The following PCDHA3 variants were observed in gnomAD, a reference collection of about 807,000 sequenced individuals.
PCDHA3 encodes the protein protocadherin alpha 3.
In PCDHA3, 41 loss-of-function variants were observed where a neutral mutation model predicts 62.2. That is an observed-to-expected ratio of 0.66 (90% CI 0.51 to 0.86). The LOEUF (loss-of-function observed/expected upper bound fraction) is 0.86, where lower values mean the gene tolerates loss of function less well. Among genes scored for constraint, PCDHA3 ranks in the 40% least tolerant of loss-of-function variants. The pLI, the probability that PCDHA3 is intolerant of heterozygous loss-of-function variation, is 0.00. For missense variants in PCDHA3, 1,304 were observed against 1,241.2 expected (o/e 1.05, Z -0.76); for synonymous variants, 640 against 555.4 (o/e 1.15, Z -2.14).
intron 1 of PCDHA3, chr5:140,808,735 G>A: frequency 2.5e-6 from 4 of 1,612,204 alleles, no homozygotes; most frequent in Non-Finnish European, 3.4e-6. Flanking sequence ...AGAGCGGCAA[G>A]GTGTACGCGC....
At chr5:140,869,800 T>C (rs782065808) in intron 1 of PCDHA3, 2 of 1,612,808 alleles carry the variant, frequency 1.2e-6, no homozygotes, top group Non-Finnish European at 1.7e-6. Context: ...AGTCCAAGTC[T>C]TGGATGTCAA....
intron 1 of PCDHA3, chr5:140,829,838 C>A (rs2150175831): frequency 1.2e-6 from 2 of 1,613,924 alleles, no homozygotes; most frequent in Non-Finnish European, 1.7e-6. Flanking sequence ...GCTGGTGCCG[C>A]GGTCACTGGG....
chr5:140,883,640 C>T (rs143631680), intron 1 of PCDHA3: 5 of 1,613,958 alleles, frequency 3.1e-6, no homozygotes, highest in Non-Finnish European at 4.2e-6. Context: ...GTTCGCGCAG[C>T]CCGAGTACAC....
chr5:140,855,898 G>A (rs1376080339), intron 1 of PCDHA3: 3 of 1,069,996 alleles, frequency 2.8e-6, no homozygotes, highest in African/African-American at 1.6e-5. Context: ...AAAGGCATCA[G>A]CCAGTTTCTC....
At chr5:140,877,583 T>A (rs782090888) in intron 1 of PCDHA3, 2 of 1,613,816 alleles carry the variant, frequency 1.2e-6, no homozygotes, top group East Asian at 4.5e-5. Context: ...ATCATCGCCA[T>A]CTGTGCGGTG....
chr5:140,983,005 AAAGG>A (rs1223217874), intron 3 of PCDHA3, among the ~76,000 whole-genome samples: 2 of 152,110 alleles, frequency 1.3e-5, no homozygotes, highest in African/African-American at 2.4e-5. Flanking sequence ...AAAGAAAGAA[AAAGG>A]AAGGAAGGAA....
chr5:140,803,544 C>A lies in PCDHA3; in HGVS notation c.2347C>A (p.Arg783=). The A allele has an allele frequency of 1.2e-6, 2 of 1,614,160 alleles. No homozygotes were observed. Among genetic ancestry groups the A allele is most frequent in the East Asian group, 2.2e-5 (1 of 44,876 alleles). The part of the protein sequence containing the change: ...SPSLPPCPIS[R]DREEKQDVDV... ...TAGCCTTCCTCCTTGTCCAATTAGC[C>A]GGGATAGAGAGGAGAAACAGGATGT... Residue 783 remains arginine, a synonymous_variant, in exon 1 of 4, where the codon CGG becomes AGG. Transcript: ENST00000522353.
chr5:140,988,308 G>T (rs75602297), intron 3 of PCDHA3, among the ~76,000 whole-genome samples: 1,856 of 152,298 alleles, frequency 0.012, 44 homozygotes, highest in African/African-American at 0.043. Context: ...TGCCAGCTTG[G>T]CTTGGCTTTC....
chr5:140,809,211 C>G lies in PCDHA3; in HGVS notation c.2394+5620C>G, dbSNP rs1554125084. On this transcript the variant is annotated intron_variant, in intron 1 of 3. Transcript: ENST00000522353. ...GTGTCACTTGTGGAGAGTGGACAGG[C>G]GCCAAAGGCCTCCTCACGGGCGTTG... 2.5e-6 allele frequency: 4 copies of G among 1,613,930 alleles called. No individual in the cohort carries two copies. The highest frequency in any genetic ancestry group is 2.7e-5 in the African/African-American group (2 of 74,942).
intron 3 of PCDHA3, among the ~76,000 whole-genome samples, chr5:140,987,959 C>T (rs1222591572): frequency 1.3e-5 from 2 of 152,132 alleles, no homozygotes; most frequent in South Asian, 2.1e-4. Context: ...AAACCAACTC[C>T]CCATGGAAAG....
chr5:140,926,212 T>G (rs1261895253), intron 1 of PCDHA3, among the ~76,000 whole-genome samples: 2 of 152,204 alleles, frequency 1.3e-5, no homozygotes, highest in Non-Finnish European at 2.9e-5. Context: ...GGGCTCCTGT[T>G]TCCTTAAGCC....
intron 1 of PCDHA3, among the ~76,000 whole-genome samples, chr5:140,972,087 A>G (rs1372467840): frequency 3.3e-5 from 5 of 152,192 alleles, no homozygotes; most frequent in Non-Finnish European, 7.3e-5. Context: ...AAAAAGAGTA[A>G]TTTCTGGCAT....
chr5:140,921,716 A>C (rs1554200396), intron 1 of PCDHA3, among the ~76,000 whole-genome samples: 1 of 152,202 alleles, frequency 6.6e-6, no homozygotes, highest in Non-Finnish European at 1.5e-5. Context: ...TAAACACACG[A>C]ATTACTCCCA....
intron 1 of PCDHA3, among the ~76,000 whole-genome samples, chr5:140,951,776 T>C (rs1301757181): frequency 2.6e-5 from 4 of 152,140 alleles, no homozygotes; most frequent in East Asian, 1.9e-4. Context: ...CGTTCTTACA[T>C]TGCAAAATAC....
At chr5:140,877,277 G>A in intron 1 of PCDHA3, 1 of 1,613,830 alleles carries the variant, frequency 6.2e-7, no homozygotes, top group South Asian at 1.1e-5. Context: ...GCTGACTCCG[G>A]CTATAACGCT....
At chr5:140,882,824 C>G in intron 1 of PCDHA3, 6 of 1,614,206 alleles carry the variant, frequency 3.7e-6, no homozygotes, top group Non-Finnish European at 5.1e-6. Flanking sequence ...ACAAAACAGT[C>G]TTGAGCAAAT....
intron 1 of PCDHA3, chr5:140,929,129 C>T (rs1206531954): frequency 6.2e-7 from 1 of 1,614,052 alleles, no homozygotes; most frequent in South Asian, 1.1e-5. Context: ...GATGTCACTA[C>T]AGTTGAGAGA....
chr5:140,892,172 G>A (rs2063414943), intron 1 of PCDHA3, among the ~76,000 whole-genome samples: 1 of 152,100 alleles, frequency 6.6e-6, no homozygotes, highest in African/African-American at 2.4e-5. Flanking sequence ...CAGTAACTGG[G>A]ATCCTCATGG....
At chr5:140,899,217 C>T (rs1467184800) in intron 1 of PCDHA3, among the ~76,000 whole-genome samples, 1 of 152,040 alleles carries the variant, frequency 6.6e-6, no homozygotes, top group Non-Finnish European at 1.5e-5. Flanking sequence ...GCCAGAACTT[C>T]CAACACTATG....
Sources: allele counts gnomAD v4.1 joint callset (sites outside exome capture counted in the v4.1 genomes callset), GRCh38; gene constraint gnomAD v4.1.1; transcripts MANE v1.5; gene names NCBI Gene and HGNC (gene_info 2026-07-23, HGNC 2026-07-21).